The following KERA variants were observed in gnomAD, a reference collection of about 807,000 sequenced individuals.
The protein encoded by KERA is keratan sulfate proteoglycan keratocan.
Under a neutral mutation model 26.4 loss-of-function variants are expected in KERA, and 25 were observed. The observed-to-expected ratio is 0.95, with a 90% CI of 0.69 to 1.32. KERA has a LOEUF of 1.32. Among genes scored for constraint, KERA ranks in the 40% most tolerant of loss-of-function variants. KERA has a pLI of 0.00. For synonymous variants in KERA, 167 were observed against 146.1 expected, an observed-to-expected ratio of 1.14 and a Z score of -1.03; for missense variants, 434 against 408.9, an observed-to-expected ratio of 1.06 and a Z score of -0.53.
chr12:91,056,361 G>T, intron 1 of KERA, 72 bp from the exon 2 acceptor site: 2 of 1,228,928 alleles, frequency 1.6e-6, no homozygotes, highest in Non-Finnish European at 1.2e-6. Flanking sequence ...ACATCAAAAT[G>T]ATCAGTAAAC....
rs770704095 is a variant in KERA, at chr12:91,056,099, T to C, written c.183A>G (p.Arg61=). ...GAATAGCAGGAATTTCTTTGAGACC[T>C]CTATTTTCACAATATAAAGCAGTAG... The part of the protein sequence containing the change: ...SFPTALYCEN[R]GLKEIPAIPS... The change falls in exon 2 of 3, where the codon AGA becomes AGG. Residue 61 remains arginine, a synonymous_variant. Transcript: ENST00000266719. 1.9e-6 allele frequency: 3 copies of C among 1,609,444 alleles called. No homozygotes were observed.
rs1333689304 is a variant in KERA, at chr12:91,055,516, A to C, written c.766T>G (p.Ser256Ala). ...ATTGATGATACATCAAATCCTCTTG[A>C]TGGGAGACCCTCATCTGACAGTTTG... ...HNKLSDEGLP[S>A]RGFDVSSILD... The change falls in exon 2 of 3, where the codon TCA becomes GCA. Residue 256 changes from serine to alanine, a missense_variant. Coordinates refer to ENST00000266719, the MANE Select transcript of KERA (RefSeq NM_007035.4). The C allele has an allele frequency of 6.2e-7, 1 of 1,610,014 alleles. No individual in the cohort carries two copies. The highest frequency in any genetic ancestry group is 1.7e-5 in the Admixed American group (1 of 59,614).
rs541664622 is a variant in KERA, at chr12:91,051,379, G to A, written c.1026C>T (p.Thr342=). 6.2e-7 allele frequency: 1 copy of A among 1,611,240 alleles called. No individual in the cohort carries two copies. The highest frequency in any genetic ancestry group is 1.3e-5 in the African/African-American group (1 of 74,820). ...IKPPIPMALM[T]CFRLLQAVII ...TGACAGCCTGCAGAAGTCTGAAGCA[G>A]GTCATTAAAGCCATTGGAATTGGTG... is the stretch of plus-strand genomic sequence containing the variant. Residue 342 remains threonine (T), a synonymous_variant, in exon 3 of 3, where the codon ACC becomes ACT. Transcript: ENST00000266719.
At chr12:91,053,301 G>C (rs902005097) in intron 2 of KERA, among the ~76,000 whole-genome samples, 1 of 151,116 alleles carries the variant, frequency 6.6e-6, no homozygotes, top group Non-Finnish European at 1.5e-5. Flanking sequence ...CTTTTCTACT[G>C]ATAGAATTTT....
rs776712179 is a variant in KERA at position 91,055,563 on chromosome 12, G to T, written c.719C>A (p.Ala240Asp). 8 of 1,610,566 alleles carry T rather than the reference G, an allele frequency of 5.0e-6. No individual in the cohort carries two copies. The Admixed American group carries it at 5.0e-5, about 10-fold the overall frequency. Residue 240 changes from alanine to aspartate, a missense_variant, in exon 2 of 3, where the codon GCC becomes GAC. Coordinates refer to ENST00000266719, the MANE Select transcript of KERA (RefSeq NM_007035.4). ...ENYFNVIPKV[A>D]FLRLNHNKLS... The stretch of plus-strand genomic sequence containing the variant: ...TTTGTTGTGATTTAGTCTCAAAAAG[G>T]CCACTTTAGGAATCACATTAAAATA...
intron 1 of KERA, among the ~76,000 whole-genome samples, chr12:91,057,309 T>G (rs1238888768): frequency 1.3e-5 from 2 of 149,142 alleles, no homozygotes; most frequent in Non-Finnish European, 3.0e-5. Context: ...TACAAATAAT[T>G]ATTTTAACAG....
In KERA at chr12:91,050,583, T is replaced by C. The variant is rs1254903616; in HGVS notation, c.*763A>G. ...GCATTCAATATTTTTATTTAGAAAATCCAAAAAACACAATCAAATATAAAG... is the reference window on the plus strand; with the variant it reads ...GCATTCAATATTTTTATTTAGAAAACCCAAAAAACACAATCAAATATAAAG... On this transcript the variant is annotated 3_prime_UTR_variant, in exon 3 of 3. Coordinates refer to ENST00000266719, the MANE Select transcript of KERA (RefSeq NM_007035.4). 1 of 151,896 alleles carries C rather than the reference T, an allele frequency of 6.6e-6. No homozygotes were observed. The highest frequency in any genetic ancestry group is 1.5e-5 in the Non-Finnish European group (1 of 67,686). The allele number at this position is 151,896 out of a possible 1,614,324, so 9.4% of individuals were successfully genotyped here. A position where few individuals can be genotyped will look rare whatever the true frequency, so the allele number is the denominator to read the frequency against.
Position 91,050,851 on chromosome 12 carries a change from C to A in KERA, c.*495G>T, listed in dbSNP as rs1878847542. ...CCATACCCATTCTCAAGCTAAATATCAAACTTGTACCACCAACAGCTACTT... is the reference window on the plus strand; with the variant it reads ...CCATACCCATTCTCAAGCTAAATATAAAACTTGTACCACCAACAGCTACTT... On this transcript the variant is annotated 3_prime_UTR_variant, in exon 3 of 3. Coordinates refer to ENST00000266719, the MANE Select transcript of KERA (RefSeq NM_007035.4). 1 of 159,546 alleles carries A rather than the reference C, an allele frequency of 6.3e-6. No individual in the cohort carries two copies. Among genetic ancestry groups the A allele is most frequent in the Admixed American group, 5.9e-5 (1 of 16,904 alleles). The allele number at this position is 159,546 out of a possible 1,614,324, so 9.9% of individuals were successfully genotyped here.
At position 91,055,944 on chromosome 12, in the gene KERA, T is replaced by A; in HGVS notation, c.338A>T (p.Glu113Val). 6.2e-7 allele frequency: 1 copy of A among 1,611,232 alleles called. No individual in the cohort carries two copies. The highest frequency in any genetic ancestry group is 8.5e-7 in the Non-Finnish European group (1 of 1,178,194). The change falls in exon 2 of 3, where the codon GAA becomes GTA. Residue 113 changes from glutamate to valine, a missense_variant. Physicochemically the swap from Glu to Val is moderately radical, Grantham distance 121. Transcript: ENST00000266719. ...NKNKITNYGIEKGALSQLKKL... is the reference protein window; with the variant it reads ...NKNKITNYGIVKGALSQLKKL... ...CTTCAGCTGGCTTAGGGCTCCTTTTTCAATTCCGTAGTTGGTTATTTTGTT... is the reference window on the plus strand; with the variant it reads ...CTTCAGCTGGCTTAGGGCTCCTTTTACAATTCCGTAGTTGGTTATTTTGTT...
chr12:91,057,028 GTA>G (rs145720565), intron 1 of KERA, among the ~76,000 whole-genome samples: 1 of 149,502 alleles, frequency 6.7e-6, no homozygotes, highest in Non-Finnish European at 1.5e-5. Flanking sequence ...CTCTATATAT[GTA>G]TATATATGTA....
intron 2 of KERA, among the ~76,000 whole-genome samples, chr12:91,052,293 G>C (rs1000679087): frequency 4.6e-5 from 7 of 151,368 alleles, no homozygotes; most frequent in African/African-American, 2.4e-5. Flanking sequence ...AGGAGAGAAG[G>C]CCAGTTAAAC....
In KERA at chr12:91,051,532, G is replaced by C. The variant is rs1270181083; in HGVS notation, c.887-14C>G. 2 of 1,578,286 alleles carry C rather than the reference G, an allele frequency of 1.3e-6. No individual in the cohort carries two copies. The highest frequency in any genetic ancestry group is 2.2e-5 in the East Asian group (1 of 44,638). The stretch of plus-strand genomic sequence containing the variant: ...AGACATTCACACCTACAGTGACAAA[G>C]AGAATAGATGAATGAATTGGAACAC... On this transcript the variant is annotated splice_polypyrimidine_tract_variant and intron_variant, in intron 2 of 2. Coordinates refer to ENST00000266719, the MANE Select transcript of KERA (RefSeq NM_007035.4).
Position 91,053,395 on chromosome 12 carries a change from G to A in KERA, c.887-1877C>T, listed in dbSNP as rs192299311. Among the ~76,000 whole-genome samples, 3 of 151,338 alleles carry A rather than the reference G, an allele frequency of 2.0e-5. No individual in the cohort carries two copies. The East Asian group carries it at 5.8e-4, about 30-fold the overall frequency. On this transcript the variant is annotated intron_variant, in intron 2 of 2. Transcript: ENST00000266719. Reference sequence around the variant, plus strand: ...AAAAAACACTTCAGACTCAGGTTCTGGCTATTGCATTTACCCTTTGTCCTT... The same window carrying A: ...AAAAAACACTTCAGACTCAGGTTCTAGCTATTGCATTTACCCTTTGTCCTT...
intron 2 of KERA, 97 bp from the exon 3 acceptor site, chr12:91,051,615 T>C: frequency 1.2e-6 from 1 of 841,384 alleles, no homozygotes; most frequent in Middle Eastern, 2.3e-4. Flanking sequence ...ATGGAGGGCT[T>C]AGTGGCCTAA....
chr12:91,051,287 A>G lies in KERA; in HGVS notation c.*59T>C, dbSNP rs1260638079. The G allele has an allele frequency of 1.2e-5, 17 of 1,393,012 alleles. No individual in the cohort carries two copies. Among genetic ancestry groups the G allele is most frequent in the Non-Finnish European group, 1.7e-5 (17 of 982,334 alleles). 86.3% of individuals were successfully genotyped at this position (1,393,012 alleles called of 1,614,324 possible). ...TTGTGTCCTAAACCTATTAATGGTA[A>G]CCACATTTCATGTCAGAAACAGCTC... On this transcript the variant is annotated 3_prime_UTR_variant, in exon 3 of 3. Coordinates refer to ENST00000266719, the MANE Select transcript of KERA (RefSeq NM_007035.4).
chr12:91,051,038 A>G lies in KERA; in HGVS notation c.*308T>C, dbSNP rs1432284561. 6.8e-6 allele frequency: 2 copies of G among 295,886 alleles called. No homozygotes were observed. Among genetic ancestry groups the G allele is most frequent in the Non-Finnish European group, 1.3e-5 (2 of 152,094 alleles). The allele number at this position is 295,886 out of a possible 1,614,324, so 18.3% of individuals were successfully genotyped here. A position where few individuals can be genotyped will look rare whatever the true frequency, so the allele number is the denominator to read the frequency against. On this transcript the variant is annotated 3_prime_UTR_variant, in exon 3 of 3. Transcript: ENST00000266719. The stretch of plus-strand genomic sequence containing the variant: ...TACACAAATGTGTCCTTTTTATTGT[A>G]TAAGAATGTAATTGTTTTCTTTAGT...
At chr12:91,052,995 C>T (rs17018619) in intron 2 of KERA, among the ~76,000 whole-genome samples, 1,771 of 151,550 alleles carry the variant, frequency 0.012, 22 homozygotes, top group East Asian at 0.052. Context: ...AATCTTAAAT[C>T]CCTGAAAGTT....
In KERA at chr12:91,051,323, T is replaced by G; in HGVS notation, c.*23A>C. 6.3e-7 allele frequency: 1 copy of G among 1,599,484 alleles called. No individual in the cohort carries two copies. The highest frequency in any genetic ancestry group is 8.6e-7 in the Non-Finnish European group (1 of 1,167,822). The stretch of plus-strand genomic sequence containing the variant: ...TGTCAGAAACAGCTCATTAAACTAA[T>G]TTTAGATTTGGTGAGAATGTGTTTA... On this transcript the variant is annotated 3_prime_UTR_variant, in exon 3 of 3. Transcript: ENST00000266719.
chr12:91,055,864 A>G lies in KERA; in HGVS notation c.418T>C (p.Leu140=), dbSNP rs748735700. ...DNELEEVPSP[L]PRSLEQLQLA... ...TGTAATTGTTCTAAACTTCTTGGCA[A>G]TGGAGAAGGTACCTCCTCTAGCTCA... The change falls in exon 2 of 3, where the codon TTG becomes CTG. Residue 140 remains leucine (L), a synonymous_variant. Transcript: ENST00000266719. 6.2e-6 allele frequency: 10 copies of G among 1,611,314 alleles called. No homozygotes were observed. In the East Asian group the frequency reaches 1.6e-4, roughly 25 times the overall value.
Sources: gnomAD v4.1 joint callset for allele counts (sites outside exome capture counted in the v4.1 genomes callset) on GRCh38, gnomAD v4.1.1 for gene constraint, MANE v1.5 for transcripts, NCBI Gene and HGNC (gene_info 2026-07-23, HGNC 2026-07-21) for gene names.